TET2: variants seen among roughly 807,000 people sequenced by gnomAD.
TET2 encodes the protein methylcytosine dioxygenase TET2.
In TET2, 299 loss-of-function variants were observed where a neutral mutation model predicts 142.9. The observed-to-expected ratio is 2.09, with a 90% CI of 1.90 to 2.30. The LOEUF is 2.30. Ranked by LOEUF, TET2 falls within the 30% of genes most tolerant of loss-of-function variation. The probability of loss-of-function intolerance (pLI) is 0.00; values close to 1 mark genes in which losing one functional copy is unlikely to be tolerated. For synonymous variants in TET2, 819 were observed against 849.0 expected (o/e 0.96, Z 0.61); for missense variants, 2,418 against 2,378.0 (o/e 1.02, Z -0.35).
intron 6 of TET2, among the ~76,000 whole-genome samples, chr4:105,258,427 C>T (rs1467987406): frequency 6.6e-6 from 1 of 152,124 alleles, no homozygotes; most frequent in Non-Finnish European, 1.5e-5. Flanking sequence ...AGAATAAATG[C>T]ATGGCAAGAA....
chr4:105,185,784 A>G (rs1725400498), intron 1 of TET2, among the ~76,000 whole-genome samples: 1 of 152,206 alleles, frequency 6.6e-6, no homozygotes, highest in African/African-American at 2.4e-5. Flanking sequence ...GTCTCTAAAA[A>G]ATAAAAAATA....
chr4:105,243,435 T>C, intron 5 of TET2, 135 bp from the exon 6 acceptor site: 1 of 790,790 alleles, frequency 1.3e-6, no homozygotes, highest in Non-Finnish European at 2.1e-6. Context: ...TTGGACATGC[T>C]GATAAATGTT....
Position 105,234,652 on chromosome 4 carries a change from G to A in TET2, c.710G>A (p.Cys237Tyr), listed in dbSNP as rs1560541449. ...EKTLSQYYPD[C>Y]VSIAVQKTTS... ...ACACTGTCTCAATATTATCCAGATT[G>A]TGTTTCCATTGCGGTGCAGAAAACC... is the stretch of plus-strand genomic sequence containing the variant. The change falls in exon 3 of 11, where the codon TGT becomes TAT. Residue 237 changes from cysteine (C) to tyrosine (Y), a missense_variant. Cys to Tyr is a radical substitution (Grantham distance 194). Coordinates refer to ENST00000380013, the MANE Select transcript of TET2 (RefSeq NM_001127208.3). 14 of 1,614,116 alleles carry A rather than the reference G, an allele frequency of 8.7e-6. No homozygotes were observed. The highest frequency in any genetic ancestry group is 1.1e-5 in the Non-Finnish European group (13 of 1,180,020).
intron 2 of TET2, among the ~76,000 whole-genome samples, chr4:105,227,641 A>G (rs909236645): frequency 2.0e-5 from 3 of 152,166 alleles, no homozygotes; most frequent in African/African-American, 7.2e-5. Flanking sequence ...TGATAATTCA[A>G]AATATTTCTG....
Position 105,235,634 on chromosome 4 carries a change from G to A in TET2, c.1692G>A (p.Trp564Ter), listed in dbSNP as rs1560543905. 1.2e-6 allele frequency: 2 copies of A among 1,614,150 alleles called. No individual in the cohort carries two copies. The highest frequency in any genetic ancestry group is 2.2e-5 in the East Asian group (1 of 44,886). ...PPTQHYLKPG[W>*]IELKAPRFHQ... ...CACAGCACTATCTGAAACCAGGATG[G>A]ATTGAATTGAAGGCCCCTCGTTTTC... is the stretch of plus-strand genomic sequence containing the variant. The change falls in exon 3 of 11, where the codon TGG (tryptophan) becomes TGA (stop). Residue 564 changes from tryptophan to a stop codon, truncating the protein, a stop_gained. Transcript: ENST00000380013. LOFTEE classifies it high-confidence loss of function.
At chr4:105,263,046 C>T (rs184120440) in intron 8 of TET2, among the ~76,000 whole-genome samples, 141 of 151,606 alleles carry the variant, frequency 9.3e-4, no homozygotes, top group Middle Eastern at 3.4e-3. Flanking sequence ...AAGCAAAAAA[C>T]AAAAGAATTC....
chr4:105,211,826 T>G (rs1293794159), intron 2 of TET2, among the ~76,000 whole-genome samples: 1 of 152,210 alleles, frequency 6.6e-6, no homozygotes, highest in Non-Finnish European at 1.5e-5. Flanking sequence ...TACTTCTCAT[T>G]TAATCCTTTT....
At chr4:105,237,402 A>C (rs764203635) in intron 3 of TET2, 51 bp downstream of exon 3, 18 of 1,613,902 alleles carry the variant, frequency 1.1e-5, no homozygotes, top group Non-Finnish European at 1.5e-5. Context: ...AGAATTAGCA[A>C]ATTTATCTTC....
chr4:105,264,240 T>G (rs1365151932), intron 8 of TET2, among the ~76,000 whole-genome samples: 1 of 152,158 alleles, frequency 6.6e-6, no homozygotes, highest in Non-Finnish European at 1.5e-5. Flanking sequence ...AATAGTTGGA[T>G]TAATACTGTT....
chr4:105,252,849 T>C (rs1729939130), intron 6 of TET2, among the ~76,000 whole-genome samples: 1 of 152,190 alleles, frequency 6.6e-6, no homozygotes, highest in Non-Finnish European at 1.5e-5. Flanking sequence ...CTTGTTTGCA[T>C]GTGGAGTTGT....
chr4:105,272,852 A>T lies in TET2; in HGVS notation c.4471A>T (p.Lys1491Ter). ...GGAGAACAGCTCAAATAAAAATGAAAAGGAAAAGTCAGCCCCATCACGTAC... is the reference window on the plus strand; with the variant it reads ...GGAGAACAGCTCAAATAAAAATGAATAGGAAAAGTCAGCCCCATCACGTAC... Reference protein sequence around the residue: ...SLENSSNKNEKEKSAPSRTKQ... With the variant: ...SLENSSNKNE Residue 1491 changes from lysine to a stop codon, truncating the protein, a stop_gained, in exon 10 of 11, where the codon AAG becomes TAG. Coordinates refer to ENST00000380013, the MANE Select transcript of TET2 (RefSeq NM_001127208.3). LOFTEE classifies it high-confidence loss of function. 6.4e-7 allele frequency: 1 copy of T among 1,551,222 alleles called. No homozygotes were observed. The highest frequency in any genetic ancestry group is 8.7e-7 in the Non-Finnish European group (1 of 1,146,864).
intron 6 of TET2, 72 bp downstream of exon 6, chr4:105,243,850 A>C: frequency 7.3e-7 from 1 of 1,377,210 alleles, no homozygotes; most frequent in Non-Finnish European, 1.0e-6. Context: ...GTTGAAAGGA[A>C]GAGAGTTCAG....
At chr4:105,176,364 G>C (rs908093414) in intron 1 of TET2, among the ~76,000 whole-genome samples, 2 of 152,024 alleles carry the variant, frequency 1.3e-5, no homozygotes, top group African/African-American at 2.4e-5. Flanking sequence ...CTTTGTTCAC[G>C]GATGACAGTT....
intron 1 of TET2, among the ~76,000 whole-genome samples, chr4:105,163,854 A>T (rs6843135): frequency 0.42 from 34,053 of 81,622 alleles, 6,425 homozygotes; most frequent in African/African-American, 0.57. Flanking sequence ...AGAGAGAGAG[A>T]GTGTGTGTGT....
At chr4:105,223,850 G>C (rs559172894) in intron 2 of TET2, among the ~76,000 whole-genome samples, 1 of 152,020 alleles carries the variant, frequency 6.6e-6, no homozygotes, top group Non-Finnish European at 1.5e-5. Context: ...AGTGATTCCC[G>C]TAAGTTTGAT....
In TET2 at chr4:105,276,003, A is replaced by C. The variant is rs1339099340; in HGVS notation, c.5493A>C (p.Ala1831=). ...ATGGTCAGGAAAAGCAGCCATTGGC[A>C]CTAGTCCAGGGTGTGGCTTCTGGTG... ...DANGQEKQPL[A]LVQGVASGAE... is the part of the protein sequence containing the mutation. Residue 1831 remains alanine, a synonymous_variant, in exon 11 of 11, where the codon GCA becomes GCC. Transcript: ENST00000380013. 6.4e-7 allele frequency: 1 copy of C among 1,551,774 alleles called. No homozygotes were observed.
intron 6 of TET2, among the ~76,000 whole-genome samples, chr4:105,255,159 C>G (rs960381631): frequency 6.6e-6 from 1 of 152,120 alleles, no homozygotes; most frequent in Non-Finnish European, 1.5e-5. Flanking sequence ...TTGTGTTTTT[C>G]TAGAAGTTTG....
At chr4:105,164,391 A>G (rs189077685) in intron 1 of TET2, among the ~76,000 whole-genome samples, 2 of 152,324 alleles carry the variant, frequency 1.3e-5, no homozygotes, top group East Asian at 1.9e-4. Flanking sequence ...GTAAAATGAG[A>G]ACAACTAATA....
In TET2 at chr4:105,235,829, C is replaced by G. The variant is rs747054238; in HGVS notation, c.1887C>G (p.His629Gln). 3.1e-6 allele frequency: 5 copies of G among 1,614,030 alleles called. No individual in the cohort carries two copies. Among genetic ancestry groups the G allele is most frequent in the Non-Finnish European group, 4.2e-6 (5 of 1,179,978 alleles). The change falls in exon 3 of 11, where the codon CAC (histidine) becomes CAG (glutamine). Residue 629 changes from histidine to glutamine, a missense_variant. Coordinates refer to ENST00000380013, the MANE Select transcript of TET2 (RefSeq NM_001127208.3). ...CCCAGAAAACAACACAGCTGGAGCA[C>G]AAGTCACAAATGTACCAAGTTGAAA... is the stretch of plus-strand genomic sequence containing the variant. Reference protein sequence around the residue: ...AYTQKTTQLEHKSQMYQVEMN... With the variant: ...AYTQKTTQLEQKSQMYQVEMN...
Sources: gnomAD v4.1 joint callset for allele counts (sites outside exome capture counted in the v4.1 genomes callset) on GRCh38, gnomAD v4.1.1 for gene constraint, MANE v1.5 for transcripts, NCBI Gene and HGNC (gene_info 2026-07-23, HGNC 2026-07-21) for gene names.